Variants in PPP1R12A observed in about 807,000 individuals in gnomAD.
PPP1R12A encodes the protein protein phosphatase 1 regulatory subunit 12A, also known as myosin binding subunit.
A neutral mutation model predicts 139.6 loss-of-function variants in PPP1R12A; 19 were observed. The observed-to-expected ratio is 0.14, with a 90% confidence interval of 0.09 to 0.20. PPP1R12A has a LOEUF of 0.20. Ranked by LOEUF, PPP1R12A falls within the 10% of genes least tolerant of loss-of-function variation. PPP1R12A has a pLI of 1.00. For missense variants in PPP1R12A, 925 were observed against 1,211.5 expected (o/e 0.76, Z 3.51); for synonymous variants, 427 against 420.6 (o/e 1.02, Z -0.19).
chr12:79,905,995 C>A (rs1886074895), intron 1 of PPP1R12A, among the ~76,000 whole-genome samples: 1 of 152,056 alleles, frequency 6.6e-6, no homozygotes, highest in South Asian at 2.1e-4. Flanking sequence ...CATTTTCACC[C>A]AGAAGAGTCA....
intron 9 of PPP1R12A, among the ~76,000 whole-genome samples, chr12:79,810,521 A>G (rs1367564554): frequency 6.6e-6 from 1 of 152,232 alleles, no homozygotes; most frequent in Non-Finnish European, 1.5e-5. Context: ...ACTAAAGCCA[A>G]TTAAAATAAG....
intron 4 of PPP1R12A, 55 bp from the exon 5 acceptor site, chr12:79,828,519 T>G: frequency 2.9e-6 from 4 of 1,363,930 alleles, no homozygotes; most frequent in Non-Finnish European, 4.0e-6. Context: ...TAAATGATCA[T>G]GATCAAAAGC....
chr12:79,931,062 A>C (rs1260578715), intron 1 of PPP1R12A, among the ~76,000 whole-genome samples: 1 of 152,206 alleles, frequency 6.6e-6, no homozygotes, highest in Non-Finnish European at 1.5e-5. Context: ...GACGATGTAA[A>C]ATTGTCTTAC....
intron 1 of PPP1R12A, among the ~76,000 whole-genome samples, chr12:79,898,936 TTTATTGTATGAAA>T (rs1327741368): frequency 6.6e-6 from 1 of 152,158 alleles, no homozygotes; most frequent in Non-Finnish European, 1.5e-5. Context: ...TCCTTCGCAT[TTTATTGTATGAAA>T]ATGTGCAAAC....
At position 79,786,472 on chromosome 12, in the gene PPP1R12A, C is replaced by T. The variant is rs759915331; in HGVS notation, c.2809G>A (p.Glu937Lys). 6.5e-7 allele frequency: 1 copy of T among 1,537,340 alleles called. No homozygotes were observed. Among genetic ancestry groups the T allele is most frequent in the South Asian group, 1.2e-5 (1 of 80,536 alleles). The change falls in exon 22 of 25, where the codon GAA becomes AAA. Residue 937 changes from glutamate (E) to lysine (K), a missense_variant. Glu to Lys is a moderately conservative substitution (Grantham distance 56). This residue lies in a region of PPP1R12A where 315 missense variants were observed against 363.4 expected (regional missense o/e 0.87). Transcript: ENST00000450142. ...TTTTCATTTTCAGCTAGAATTTGTT[C>T]ATAAAGCTATAAAAATTAGGGTAAA... ...DDSTDFKKLY[E>K]QILAENEKLK...
At chr12:79,868,209 T>C (rs114329948) in intron 2 of PPP1R12A, among the ~76,000 whole-genome samples, 1 of 152,214 alleles carries the variant, frequency 6.6e-6, no homozygotes, top group South Asian at 2.1e-4. Flanking sequence ...TTATAATTTA[T>C]GCCACAGATG....
At chr12:79,796,433 A>G (rs945711936) in intron 17 of PPP1R12A, among the ~76,000 whole-genome samples, 1 of 149,120 alleles carries the variant, frequency 6.7e-6, no homozygotes, top group Non-Finnish European at 1.5e-5. Context: ...TTTAAATGAT[A>G]TGATCTACAC....
At chr12:79,860,453 C>T (rs141854663) in intron 2 of PPP1R12A, among the ~76,000 whole-genome samples, 56 of 152,084 alleles carry the variant, frequency 3.7e-4, no homozygotes, top group East Asian at 2.3e-3. Flanking sequence ...AGAACAATGA[C>T]GAGTATCTCT....
intron 20 of PPP1R12A, among the ~76,000 whole-genome samples, chr12:79,789,336 TG>T (rs1466130037): frequency 2.0e-5 from 3 of 152,196 alleles, no homozygotes; most frequent in African/African-American, 7.2e-5. Context: ...TATTTTAAAT[TG>T]TACACTTCCT....
chr12:79,816,106 C>T (rs1181069543), intron 9 of PPP1R12A, among the ~76,000 whole-genome samples: 1 of 152,088 alleles, frequency 6.6e-6, no homozygotes, highest in African/African-American at 2.4e-5. Context: ...AAAAACCAAT[C>T]AGTCCTTAAA....
At chr12:79,905,813 C>T (rs1464502161) in intron 1 of PPP1R12A, among the ~76,000 whole-genome samples, 1 of 152,078 alleles carries the variant, frequency 6.6e-6, no homozygotes, top group African/African-American at 2.4e-5. Flanking sequence ...ACCTGTAATA[C>T]ATTAAATGTG....
intron 8 of PPP1R12A, among the ~76,000 whole-genome samples, chr12:79,819,689 C>CCCA (rs1410719526): frequency 6.6e-6 from 1 of 152,052 alleles, no homozygotes; most frequent in Non-Finnish European, 1.5e-5. Flanking sequence ...TGCCTGTAAT[C>CCCA]CCAGCACTTT....
chr12:79,845,080 T>C lies in PPP1R12A; in HGVS notation c.487+222A>G, dbSNP rs77164161. Among the ~76,000 whole-genome samples the C allele has an allele frequency of 8.0e-3, 1,212 of 152,362 alleles. 15 individuals are homozygous for C. Among genetic ancestry groups the C allele is most frequent in the African/African-American group, 0.027 (1,114 of 41,582 alleles). On this transcript the variant is annotated intron_variant, in intron 3 of 24. Transcript: ENST00000450142. The stretch of plus-strand genomic sequence containing the variant: ...TTTTACTTCCACATAATTTTATGCC[T>C]GATCCTGCTGCTTCTAACATTTCTT...
intron 5 of PPP1R12A, among the ~76,000 whole-genome samples, chr12:79,826,781 G>A (rs1876834995): frequency 2.0e-5 from 3 of 152,236 alleles, no homozygotes; most frequent in Admixed American, 1.3e-4. Context: ...TGATTCAGTA[G>A]GGGAAACACA....
Position 79,806,255 on chromosome 12 carries a change from A to C in PPP1R12A, c.1734T>G (p.Ser578=). ...GCAGGCTTTTCTGAAGCCCAGCTGC[A>C]GAGGTAACTGTTGGTGTTGATGTGG... ...PSTTSTPTVT[S]AAGLQKSLLS... The change falls in exon 13 of 25, where the codon TCT becomes TCG. Residue 578 remains serine, a synonymous_variant. Transcript: ENST00000450142. 4 of 1,613,974 alleles carry C rather than the reference A, an allele frequency of 2.5e-6. No homozygotes were observed. Among genetic ancestry groups the C allele is most frequent in the Non-Finnish European group, 3.4e-6 (4 of 1,179,838 alleles).
Position 79,796,776 on chromosome 12 carries a change from T to G in PPP1R12A, c.2461+6A>C. On this transcript the variant is annotated splice_donor_region_variant and intron_variant, in intron 17 of 24. Transcript: ENST00000450142. ...GCAAAGTGTTTTCAAAATTTGGTAT[T>G]CTTACCTCTTTCATTTTCTTTTGTT... is the stretch of plus-strand genomic sequence containing the variant. 6.3e-7 allele frequency: 1 copy of G among 1,592,680 alleles called. No homozygotes were observed. Among genetic ancestry groups the G allele is most frequent in the Non-Finnish European group, 8.6e-7 (1 of 1,165,518 alleles).
At chr12:79,799,681 G>T (rs1220138971) in intron 14 of PPP1R12A, among the ~76,000 whole-genome samples, 4 of 152,014 alleles carry the variant, frequency 2.6e-5, no homozygotes, top group African/African-American at 4.8e-5. Flanking sequence ...TTGTCACGGG[G>T]TATGCACCTT....
At chr12:79,784,412 A>C (rs1870852875) in intron 22 of PPP1R12A, among the ~76,000 whole-genome samples, 1 of 152,186 alleles carries the variant, frequency 6.6e-6, no homozygotes, top group South Asian at 2.1e-4. Flanking sequence ...CTGTCCAGTG[A>C]CCTATGAAAT....
intron 8 of PPP1R12A, chr12:79,818,656 G>GTAC (rs1428298313): frequency 1.3e-5 from 2 of 152,150 alleles, no homozygotes; most frequent in Non-Finnish European, 1.5e-5. Flanking sequence ...AAGCAAAAAT[G>GTAC]TACTCTTCTT....
Sources: gnomAD v4.1 joint callset for allele counts (sites outside exome capture counted in the v4.1 genomes callset) on GRCh38, gnomAD v4.1.1 for gene constraint, gnomAD v4.1.1 regional missense constraint, MANE v1.5 for transcripts, NCBI Gene and HGNC (gene_info 2026-07-23, HGNC 2026-07-21) for gene names.